SNX19: variants seen among roughly 807,000 people sequenced by gnomAD.
SNX19 encodes the protein sorting nexin 19.
In SNX19, 60 loss-of-function variants were observed where a neutral mutation model predicts 85.2. That is an observed-to-expected ratio of 0.70 (90% CI 0.57 to 0.87). SNX19 has a LOEUF of 0.87. SNX19 is among the 40% of genes least tolerant of loss of function. The probability of loss-of-function intolerance (pLI) is 0.00; values close to 1 mark genes in which losing one functional copy is unlikely to be tolerated. For synonymous variants in SNX19, 520 were observed against 470.0 expected, an observed-to-expected ratio of 1.11 and a Z score of -1.38; for missense variants, 1,201 against 1,217.8, an observed-to-expected ratio of 0.99 and a Z score of 0.21.
intron 8 of SNX19, chr11:130,892,656 A>G (rs529792342): frequency 6.6e-6 from 1 of 152,318 alleles, no homozygotes; most frequent in South Asian, 2.1e-4. Flanking sequence ...GGTACTGAGC[A>G]GTTAAGAAAA....
intron 8 of SNX19, among the ~76,000 whole-genome samples, chr11:130,888,185 G>A (rs184603897): frequency 4.0e-5 from 6 of 150,764 alleles, no homozygotes; most frequent in Admixed American, 3.3e-4. Context: ...CTAAATTATA[G>A]TTCATCTTGT....
intron 8 of SNX19, among the ~76,000 whole-genome samples, chr11:130,892,141 G>A (rs1944543270): frequency 6.7e-6 from 1 of 150,070 alleles, no homozygotes; most frequent in Non-Finnish European, 1.5e-5. Context: ...ACTGCGCCCG[G>A]CCAATCTGAA....
rs200362831 is a variant in SNX19 at position 130,908,011 on chromosome 11, C to T, written c.2107G>A (p.Glu703Lys). 1 of 1,614,184 alleles carries T rather than the reference C, an allele frequency of 6.2e-7. No individual in the cohort carries two copies. The highest frequency in any genetic ancestry group is 2.2e-5 in the East Asian group (1 of 44,868). Residue 703 changes from glutamate to lysine, a missense_variant, in exon 5 of 11, where the codon GAG becomes AAG. Transcript: ENST00000265909. ...CTTTCGGTCTCGGCCTCACTCAGCTCCTCTGTGGGGCTCTGGGGTTCAGAG... is the reference window on the plus strand; with the variant it reads ...CTTTCGGTCTCGGCCTCACTCAGCTTCTCTGTGGGGCTCTGGGGTTCAGAG... ...PRSEPQSPTE[E>K]LSEAETESKP...
rs1347972308 is a variant in SNX19 at position 130,905,966 on chromosome 11, G to A, written c.2430C>T (p.Ser810=). ...CTCGCCACTCACCTGGATCGCTGTT[G>A]CTGGGGTCTTGGGCTGGCACGGCTG... The part of the protein sequence containing the change: ...SDAAVPAQDP[S]NSDPGTETEL... Residue 810 remains serine (S), a synonymous_variant, in exon 7 of 11, where the codon AGC becomes AGT. Coordinates refer to ENST00000265909, the MANE Select transcript of SNX19 (RefSeq NM_014758.3). The A allele has an allele frequency of 3.1e-6, 5 of 1,614,090 alleles. No homozygotes were observed. Among genetic ancestry groups the A allele is most frequent in the Non-Finnish European group, 4.2e-6 (5 of 1,180,040 alleles).
intron 5 of SNX19, among the ~76,000 whole-genome samples, chr11:130,906,929 C>T (rs559436279): frequency 5.4e-4 from 82 of 152,336 alleles, no homozygotes; most frequent in Non-Finnish European, 1.0e-3. Flanking sequence ...ATAATGTTAA[C>T]GCATACACTA....
At chr11:130,885,056 CTCTT>C (rs1408957463) in intron 8 of SNX19, among the ~76,000 whole-genome samples, 1 of 151,990 alleles carries the variant, frequency 6.6e-6, no homozygotes, top group Non-Finnish European at 1.5e-5. Context: ...TTAGAGATAT[CTCTT>C]TCTATTATCC....
At chr11:130,903,516 A>G in intron 7 of SNX19, 132 bp from the exon 8 acceptor site, 2 of 893,080 alleles carry the variant, frequency 2.2e-6, no homozygotes, top group Non-Finnish European at 1.6e-6. Context: ...ATCCCTCTAC[A>G]CTCAAATCAA....
intron 8 of SNX19, among the ~76,000 whole-genome samples, chr11:130,884,321 C>A (rs555139352): frequency 3.3e-4 from 50 of 152,260 alleles, no homozygotes; most frequent in African/African-American, 1.1e-3. Context: ...TAACTCTCTT[C>A]ATCTCGCGAT....
rs116726296 is a variant in SNX19 at position 130,882,657 on chromosome 11, A to T, written c.2574-1851T>A. Among the ~76,000 whole-genome samples the T allele has an allele frequency of 1.8e-3, 272 of 152,334 alleles. 1 individual carries two copies. Among genetic ancestry groups the T allele is most frequent in the African/African-American group, 6.3e-3 (263 of 41,572 alleles). On this transcript the variant is annotated intron_variant, in intron 8 of 10. Coordinates refer to ENST00000265909, the MANE Select transcript of SNX19 (RefSeq NM_014758.3). ...GGGCTTTTCATTCAGTGAGCCTAAG[A>T]TGCCTGATGAAAGGAATCCAGTAGC...
Position 130,908,045 on chromosome 11 carries a change from C to T in SNX19, c.2073G>A (p.Ala691=), listed in dbSNP as rs764778382. The change falls in exon 5 of 11, where the codon GCG becomes GCA. Residue 691 remains alanine, a synonymous_variant. Transcript: ENST00000265909. ...VSAIVDTLKT[A]FPRSEPQSPT... is the part of the protein sequence containing the mutation. ...GGCTCTGGGGTTCAGAGCGAGGAAA[C>T]GCTGTCTTCAAGGTGTCCACAATGG... 6.2e-6 allele frequency: 10 copies of T among 1,614,148 alleles called. No homozygotes were observed. In the East Asian group the frequency reaches 6.7e-5, roughly 11 times the overall value.
chr11:130,913,513 T>C (rs1337522711), intron 1 of SNX19, among the ~76,000 whole-genome samples: 2 of 152,212 alleles, frequency 1.3e-5, no homozygotes. Context: ...TCCCTCTTAG[T>C]TGGATTGGGA....
chr11:130,910,211 T>C lies in SNX19; in HGVS notation c.1914+59A>G, dbSNP rs575157043. The C allele has an allele frequency of 5.0e-6, 8 of 1,613,118 alleles. No homozygotes were observed. In the East Asian group the frequency reaches 1.3e-4, roughly 27 times the overall value. ...AAATCTCTCCACCTTGGCTTGGGTG[T>C]TCTGGGGTTAGACACCCAGGTTAAA... On this transcript the variant is annotated intron_variant, in intron 3 of 10. Coordinates refer to ENST00000265909, the MANE Select transcript of SNX19 (RefSeq NM_014758.3).
intron 8 of SNX19, among the ~76,000 whole-genome samples, chr11:130,897,233 T>C (rs978379008): frequency 2.6e-5 from 4 of 152,052 alleles, no homozygotes; most frequent in African/African-American, 9.7e-5. Context: ...ACCCTTTCTT[T>C]TCTTCTTCCT....
chr11:130,891,904 A>G (rs1003977618), intron 8 of SNX19, among the ~76,000 whole-genome samples: 1 of 149,356 alleles, frequency 6.7e-6, no homozygotes, highest in African/African-American at 2.5e-5. Context: ...GCAGTGGTGC[A>G]ATCTCGGCTC....
intron 6 of SNX19, 48 bp downstream of exon 6, chr11:130,906,577 A>T: frequency 7.6e-7 from 1 of 1,313,456 alleles, no homozygotes; most frequent in Non-Finnish European, 1.1e-6. Context: ...CTGCAGGACC[A>T]ACATCTCAGA....
intron 3 of SNX19, 23 bp downstream of exon 3, chr11:130,910,247 G>A (rs775640664): frequency 4.3e-6 from 7 of 1,612,884 alleles, no homozygotes; most frequent in South Asian, 2.2e-5. Context: ...GTGAGAACAA[G>A]GCCAAAAGAG....
intron 8 of SNX19, among the ~76,000 whole-genome samples, chr11:130,896,975 A>C (rs1342667998): frequency 6.6e-6 from 1 of 152,052 alleles, no homozygotes; most frequent in African/African-American, 2.4e-5. Flanking sequence ...CTAAGAGAAC[A>C]GTGGAAGCAA....
At chr11:130,898,194 T>A (rs1390354976) in intron 8 of SNX19, among the ~76,000 whole-genome samples, 1 of 151,552 alleles carries the variant, frequency 6.6e-6, no homozygotes, top group East Asian at 1.9e-4. Flanking sequence ...GTGCTTATAA[T>A]TTGACAGAAG....
At chr11:130,883,722 T>A (rs1309952854) in intron 8 of SNX19, among the ~76,000 whole-genome samples, 1 of 152,154 alleles carries the variant, frequency 6.6e-6, no homozygotes, top group Non-Finnish European at 1.5e-5. Context: ...CTCAGCATGG[T>A]CTTATTTCCT....
Sources: allele counts gnomAD v4.1 joint callset (sites outside exome capture counted in the v4.1 genomes callset), GRCh38; gene constraint gnomAD v4.1.1; transcripts MANE v1.5; gene names NCBI Gene and HGNC (gene_info 2026-07-23, HGNC 2026-07-21).